The following WWOX variants were observed in gnomAD, a reference collection of about 807,000 sequenced individuals.
WWOX encodes WW domain-containing oxidoreductase.
In WWOX, 69 loss-of-function variants were observed where a neutral mutation model predicts 46.2. The ratio of observed to expected loss-of-function variants is 1.49; its 90% CI spans 1.23 to 1.82. The LOEUF (loss-of-function observed/expected upper bound fraction) is 1.82, where lower values mean the gene tolerates loss of function less well. Ranked by LOEUF, WWOX falls within the 40% of genes most tolerant of loss-of-function variation. The pLI, the probability that WWOX is intolerant of heterozygous loss-of-function variation, is 0.00. For synonymous variants in WWOX, 359 were observed against 202.6 expected, an observed-to-expected ratio of 1.77 and a Z score of -6.56; for missense variants, 919 against 542.6, an observed-to-expected ratio of 1.69 and a Z score of -6.89.
intron 8 of WWOX, among the ~76,000 whole-genome samples, chr16:79,072,969 C>T (rs1357261101): frequency 1.3e-5 from 2 of 151,868 alleles, no homozygotes; most frequent in African/African-American, 4.9e-5. Flanking sequence ...TGACAAACGT[C>T]ATCACTGTTT....
At chr16:78,285,944 C>T (rs1287959867) in intron 5 of WWOX, among the ~76,000 whole-genome samples, 1 of 152,162 alleles carries the variant, frequency 6.6e-6, no homozygotes, top group Non-Finnish European at 1.5e-5. Context: ...TTACTTGCGA[C>T]CTAAAGCCTG....
intron 8 of WWOX, among the ~76,000 whole-genome samples, chr16:78,844,247 C>G (rs1312041623): frequency 6.6e-6 from 1 of 152,158 alleles, no homozygotes; most frequent in African/African-American, 2.4e-5. Flanking sequence ...AAGAGAGGCC[C>G]TCTAAACCCA....
chr16:78,204,558 C>T (rs949986983), intron 5 of WWOX, among the ~76,000 whole-genome samples: 1 of 152,142 alleles, frequency 6.6e-6, no homozygotes, highest in Non-Finnish European at 1.5e-5. Flanking sequence ...TCATCAACCC[C>T]CCACTACCCT....
intron 8 of WWOX, among the ~76,000 whole-genome samples, chr16:79,140,856 T>A (rs566876567): frequency 1.3e-5 from 2 of 152,172 alleles, no homozygotes; most frequent in Non-Finnish European, 2.9e-5. Flanking sequence ...TCAAACAGTT[T>A]CCGTACGTCA....
intron 8 of WWOX, among the ~76,000 whole-genome samples, chr16:78,566,421 T>C (rs918858922): frequency 5.9e-5 from 9 of 152,184 alleles, no homozygotes; most frequent in African/African-American, 2.2e-4. Context: ...TCCTCTGGCT[T>C]TCTGAGTTCT....
At chr16:78,803,478 G>T (rs919528492) in intron 8 of WWOX, among the ~76,000 whole-genome samples, 1 of 151,996 alleles carries the variant, frequency 6.6e-6, no homozygotes, top group Non-Finnish European at 1.5e-5. Context: ...ACAGGGTCTC[G>T]CTGTGTTGCC....
chr16:78,909,211 A>T (rs932621629), intron 8 of WWOX, among the ~76,000 whole-genome samples: 4 of 152,148 alleles, frequency 2.6e-5, no homozygotes, highest in Non-Finnish European at 4.4e-5. Flanking sequence ...GGCTGTTTTA[A>T]TAACAGCCAG....
chr16:79,018,432 C>A (rs878876889), intron 8 of WWOX, among the ~76,000 whole-genome samples: 2 of 152,110 alleles, frequency 1.3e-5, no homozygotes, highest in African/African-American at 4.8e-5. Flanking sequence ...TATCCAAAAG[C>A]GGATTATTGA....
At chr16:79,072,326 A>T (rs76791925) in intron 8 of WWOX, among the ~76,000 whole-genome samples, 1 of 152,216 alleles carries the variant, frequency 6.6e-6, no homozygotes, top group South Asian at 2.1e-4. Flanking sequence ...TATCATATGC[A>T]TTCTCAACTC....
intron 8 of WWOX, chr16:78,552,798 T>G (rs2044205174): frequency 6.6e-6 from 1 of 152,268 alleles, no homozygotes; most frequent in Non-Finnish European, 1.5e-5. Context: ...CTCCCTCTGT[T>G]CTCTCTGTTT....
intron 7 of WWOX, among the ~76,000 whole-genome samples, chr16:78,427,679 G>A (rs1204447703): frequency 6.6e-6 from 1 of 152,150 alleles, no homozygotes; most frequent in African/African-American, 2.4e-5. Context: ...GTAAGAGGCT[G>A]AGGTGGGAGG....
At chr16:78,654,705 C>T (rs868719091) in intron 8 of WWOX, among the ~76,000 whole-genome samples, 1 of 151,772 alleles carries the variant, frequency 6.6e-6, no homozygotes, top group Admixed American at 6.6e-5. Flanking sequence ...AGTATGAAAC[C>T]TAAAAATAAG....
At chr16:78,273,841 G>C (rs1312340647) in intron 5 of WWOX, among the ~76,000 whole-genome samples, 1 of 152,184 alleles carries the variant, frequency 6.6e-6, no homozygotes, top group Non-Finnish European at 1.5e-5. Context: ...GCTGAAGATA[G>C]GAGGAGTCCT....
intron 8 of WWOX, among the ~76,000 whole-genome samples, chr16:78,527,680 T>G (rs1247196683): frequency 6.6e-6 from 1 of 151,964 alleles, no homozygotes; most frequent in Non-Finnish European, 1.5e-5. Context: ...TAACCCTGTT[T>G]AATAATGTAT....
chr16:78,864,388 C>T (rs1316897412), intron 8 of WWOX, among the ~76,000 whole-genome samples: 1 of 152,000 alleles, frequency 6.6e-6, no homozygotes, highest in Non-Finnish European at 1.5e-5. Flanking sequence ...CCACCTCAGC[C>T]TCCTGAGTAG....
At chr16:78,908,367 C>G (rs377529898) in intron 8 of WWOX, among the ~76,000 whole-genome samples, 3 of 151,944 alleles carry the variant, frequency 2.0e-5, no homozygotes, top group East Asian at 1.9e-4. Flanking sequence ...TGGTGAAACC[C>G]CATCCCTACT....
At chr16:79,005,612 G>C (rs1007140765) in intron 8 of WWOX, among the ~76,000 whole-genome samples, 1 of 152,010 alleles carries the variant, frequency 6.6e-6, no homozygotes. Context: ...TGCCATCTCT[G>C]CCTCTGTCTT....
intron 8 of WWOX, among the ~76,000 whole-genome samples, chr16:78,461,606 G>C (rs539002732): frequency 1.4e-4 from 22 of 152,288 alleles, no homozygotes. Context: ...TGTTATTTCA[G>C]TGCAAAGCTG....
At chr16:78,553,859 G>A (rs763100569) in intron 8 of WWOX, among the ~76,000 whole-genome samples, 4 of 152,086 alleles carry the variant, frequency 2.6e-5, no homozygotes, top group African/African-American at 2.4e-5. Context: ...GTGGCTGCCC[G>A]GAGAGCTTGG....
Sources: gnomAD v4.1 joint callset for allele counts (sites outside exome capture counted in the v4.1 genomes callset) on GRCh38, gnomAD v4.1.1 for gene constraint, MANE v1.5 for transcripts, NCBI Gene and HGNC (gene_info 2026-07-23, HGNC 2026-07-21) for gene names.